CREB5: variants seen among roughly 807,000 people sequenced by gnomAD.
The protein encoded by CREB5 is cyclic AMP-responsive element-binding protein 5.
Under a neutral mutation model 57.1 loss-of-function variants are expected in CREB5, and 19 were observed. That is an observed-to-expected ratio of 0.33 (90% CI 0.23 to 0.49). CREB5 has a LOEUF of 0.49. Ranked by LOEUF, CREB5 falls within the 20% of genes least tolerant of loss-of-function variation. The probability of loss-of-function intolerance (pLI) is 0.99; values close to 1 mark genes in which losing one functional copy is unlikely to be tolerated. For synonymous variants in CREB5, 238 were observed against 238.3 expected (o/e 1.00, Z 0.01); for missense variants, 579 against 671.6 (o/e 0.86, Z 1.52).
At chr7:28,638,660 T>C (rs1798524033) in intron 5 of CREB5, among the ~76,000 whole-genome samples, 3 of 152,138 alleles carry the variant, frequency 2.0e-5, no homozygotes, top group Admixed American at 6.6e-5. Flanking sequence ...TTCTGTTTCT[T>C]GATCTTAAAC....
intron 5 of CREB5, among the ~76,000 whole-genome samples, chr7:28,600,754 A>G (rs1796886292): frequency 6.6e-6 from 1 of 152,210 alleles, no homozygotes; most frequent in Non-Finnish European, 1.5e-5. Flanking sequence ...ATGAGGGAGC[A>G]GGGACTGGAG....
In CREB5 at chr7:28,514,689, T is replaced by C. The variant is rs560520726; in HGVS notation, c.291+6952T>C. Among the ~76,000 whole-genome samples the C allele has an allele frequency of 1.6e-4, 25 of 152,320 alleles. No homozygotes were observed. The South Asian group carries it at 4.6e-3, about 28-fold the overall frequency. On this transcript the variant is annotated intron_variant, in intron 4 of 10. Transcript: ENST00000357727. ...GATTACAGGCGTGAGCCACCGCGCC[T>C]GGCCTATCACAGGTTTTATTTATAT...
chr7:28,507,493 G>A (rs1792526826), intron 3 of CREB5, 123 bp from the exon 4 acceptor site: 3 of 1,163,798 alleles, frequency 2.6e-6, no homozygotes, highest in Non-Finnish European at 3.6e-6. Context: ...AGGGCCAAGA[G>A]ACTGGATGGC....
intron 5 of CREB5, among the ~76,000 whole-genome samples, chr7:28,595,886 G>A (rs1796676476): frequency 6.6e-6 from 1 of 152,172 alleles, no homozygotes. Context: ...AAGTTCTCTG[G>A]TATCTTAACC....
At chr7:28,493,831 T>C (rs1791907805) in intron 2 of CREB5, among the ~76,000 whole-genome samples, 1 of 152,198 alleles carries the variant, frequency 6.6e-6, no homozygotes, top group South Asian at 2.1e-4. Context: ...TATTACATTG[T>C]ACAGAACATA....
intron 4 of CREB5, among the ~76,000 whole-genome samples, chr7:28,544,393 G>T (rs112131881): frequency 6.6e-6 from 1 of 152,268 alleles, no homozygotes. Context: ...GTTCCAACCT[G>T]CCTTCCAAAG....
intron 4 of CREB5, among the ~76,000 whole-genome samples, chr7:28,562,337 GAGAAGATATT>G (rs1338862216): frequency 6.6e-6 from 1 of 152,216 alleles, no homozygotes; most frequent in Non-Finnish European, 1.5e-5. Flanking sequence ...GGTGGCACCT[GAGAAGATATT>G]TATTGTCTTG....
chr7:28,359,700 G>A (rs1786428725), intron 1 of CREB5, among the ~76,000 whole-genome samples: 1 of 152,026 alleles, frequency 6.6e-6, no homozygotes, highest in Non-Finnish European at 1.5e-5. Flanking sequence ...CTCAGGCAAT[G>A]AAAGCAAAAA....
At chr7:28,751,954 C>T (rs985345696) in intron 7 of CREB5, among the ~76,000 whole-genome samples, 18 of 152,068 alleles carry the variant, frequency 1.2e-4, no homozygotes, top group African/African-American at 3.9e-4. Context: ...GTGGAATATC[C>T]CCCAGTTTGT....
intron 1 of CREB5, among the ~76,000 whole-genome samples, chr7:28,447,522 T>A (rs1789545334): frequency 6.6e-6 from 1 of 152,182 alleles, no homozygotes; most frequent in African/African-American, 2.4e-5. Context: ...CCAACCTCCA[T>A]GATCTTTAGC....
At chr7:28,443,052 T>C (rs1789270384) in intron 1 of CREB5, among the ~76,000 whole-genome samples, 1 of 152,176 alleles carries the variant, frequency 6.6e-6, no homozygotes. Flanking sequence ...TAAGGTAAAG[T>C]CAAGAACTGT....
intron 5 of CREB5, among the ~76,000 whole-genome samples, chr7:28,690,076 G>A (rs1463399355): frequency 6.6e-6 from 1 of 152,028 alleles, no homozygotes; most frequent in Non-Finnish European, 1.5e-5. Flanking sequence ...ATCCTGACTT[G>A]GTAAGGGAAG....
At chr7:28,486,377 T>G (rs904629406) in intron 1 of CREB5, among the ~76,000 whole-genome samples, 2 of 151,850 alleles carry the variant, frequency 1.3e-5, no homozygotes, top group Admixed American at 6.6e-5. Context: ...TGAAGCTTCC[T>G]TCAGACAAAG....
At chr7:28,732,466 T>G (rs940650597) in intron 7 of CREB5, among the ~76,000 whole-genome samples, 3 of 152,136 alleles carry the variant, frequency 2.0e-5, no homozygotes, top group Admixed American at 6.5e-5. Context: ...GCCTCTTTCT[T>G]GTGTATTTGT....
At chr7:28,365,396 GCTCCCGGAATTATCACCTTTC>G (rs972980688) in intron 1 of CREB5, among the ~76,000 whole-genome samples, 7 of 151,960 alleles carry the variant, frequency 4.6e-5, no homozygotes, top group Admixed American at 3.3e-4. Context: ...CCTCACCTTT[GCTCCCGGAATTATCACCTTTC>G]CTCCCGGAAT....
chr7:28,513,180 A>G (rs1177580895), intron 4 of CREB5, among the ~76,000 whole-genome samples: 1 of 152,268 alleles, frequency 6.6e-6, no homozygotes, highest in Non-Finnish European at 1.5e-5. Context: ...ATCAGCCGCT[A>G]GCCAGCATCG....
chr7:28,531,264 A>G (rs1205284399), intron 4 of CREB5, among the ~76,000 whole-genome samples: 1 of 152,076 alleles, frequency 6.6e-6, no homozygotes. Context: ...GTGTTGCCTC[A>G]CAGCTCTGGA....
intron 5 of CREB5, among the ~76,000 whole-genome samples, chr7:28,685,604 C>T (rs1211085367): frequency 1.3e-5 from 2 of 151,934 alleles, no homozygotes; most frequent in African/African-American, 4.8e-5. Context: ...CTTTCACTCC[C>T]TGCTTCCCCA....
At chr7:28,629,148 TA>T (rs1238164091) in intron 5 of CREB5, among the ~76,000 whole-genome samples, 1 of 152,194 alleles carries the variant, frequency 6.6e-6, no homozygotes, top group Non-Finnish European at 1.5e-5. Flanking sequence ...AGAAATTAAA[TA>T]AAACAATACG....
Sources: allele counts gnomAD v4.1 joint callset (sites outside exome capture counted in the v4.1 genomes callset), GRCh38; gene constraint gnomAD v4.1.1; transcripts MANE v1.5; gene names NCBI Gene and HGNC (gene_info 2026-07-23, HGNC 2026-07-21).